YEATS2: variants seen among roughly 807,000 people sequenced by gnomAD.
YEATS2 encodes the protein YEATS domain containing 2.
YEATS2 carries 77 observed loss-of-function variants against 163.2 expected under a neutral mutation model. The ratio of observed to expected loss-of-function variants is 0.47; its 90% CI spans 0.39 to 0.57. The LOEUF is 0.57. YEATS2 is among the 20% of genes least tolerant of loss of function. The pLI is 0.00. For synonymous variants in YEATS2, 631 were observed against 645.1 expected (o/e 0.98, Z 0.33); for missense variants, 1,549 against 1,729.8 (o/e 0.90, Z 1.85).
chr3:183,760,924 G>A (rs1721284798), intron 13 of YEATS2, among the ~76,000 whole-genome samples: 1 of 152,146 alleles, frequency 6.6e-6, no homozygotes, highest in Non-Finnish European at 1.5e-5. Flanking sequence ...GACCAATAAA[G>A]TCAGCCAAAT....
At chr3:183,761,653 A>C in intron 14 of YEATS2, 39 bp downstream of exon 14, 1 of 1,588,046 alleles carries the variant, frequency 6.3e-7, no homozygotes, top group Non-Finnish European at 8.6e-7. Flanking sequence ...AAGTCATAAT[A>C]CTTTTTGTGG....
At chr3:183,698,992 G>A (rs723387) in intron 1 of YEATS2, among the ~76,000 whole-genome samples, 6,213 of 152,168 alleles carry the variant, frequency 0.041, 325 homozygotes, top group East Asian at 0.15. Context: ...TTTTTCCCGG[G>A]AAGCCTTTGA....
intron 19 of YEATS2, among the ~76,000 whole-genome samples, chr3:183,785,723 C>G (rs746525666): frequency 6.6e-6 from 1 of 152,050 alleles, no homozygotes; most frequent in South Asian, 2.1e-4. Flanking sequence ...AATGCTAAGC[C>G]TATATCTAAT....
intron 8 of YEATS2, among the ~76,000 whole-genome samples, chr3:183,737,852 T>G (rs189682726): frequency 6.6e-6 from 1 of 152,312 alleles, no homozygotes. Context: ...CTTATTGCTC[T>G]CAGTAGATAC....
In YEATS2 at chr3:183,798,929, C is replaced by T. The variant is rs575590450; in HGVS notation, c.3265C>T (p.Leu1089=). ...TTCTACCAGCAAGCCACCTGCCATTCTGCCTGTAGCTGCCCCAACTCCAGT... is the reference window on the plus strand; with the variant it reads ...TTCTACCAGCAAGCCACCTGCCATTTTGCCTGTAGCTGCCCCAACTCCAGT... ...SFSTSKPPAI[L]PVAAPTPVVP... Residue 1089 remains leucine (L), a synonymous_variant, in exon 23 of 31, where the codon CTG becomes TTG. Coordinates refer to ENST00000305135, the MANE Select transcript of YEATS2 (RefSeq NM_018023.5). 162 of 1,614,166 alleles carry T rather than the reference C, an allele frequency of 1.0e-4. 1 individual carries two copies. The Middle Eastern group carries it at 1.8e-3, about 18-fold the overall frequency.
At chr3:183,763,646 C>G (rs262989) in intron 15 of YEATS2, among the ~76,000 whole-genome samples, 1 of 151,964 alleles carries the variant, frequency 6.6e-6, no homozygotes, top group Non-Finnish European at 1.5e-5. Context: ...TAAAGTCAGG[C>G]CTGCTAACTC....
At chr3:183,721,803 A>G in intron 4 of YEATS2, 88 bp from the exon 5 acceptor site, 1 of 1,506,904 alleles carries the variant, frequency 6.6e-7, no homozygotes, top group Non-Finnish European at 9.0e-7. Context: ...ATGATCCTGT[A>G]ATAGATAAGG....
At chr3:183,793,316 G>C (rs1360033999) in intron 21 of YEATS2, 1 of 1,099,866 alleles carries the variant, frequency 9.1e-7, no homozygotes. Context: ...TGTTTGGATA[G>C]AGAACAAAAA....
chr3:183,761,892 C>T (rs1721392227), intron 14 of YEATS2, among the ~76,000 whole-genome samples: 1 of 152,204 alleles, frequency 6.6e-6, no homozygotes, highest in South Asian at 2.1e-4. Context: ...GGATCAAGTT[C>T]AGATCCTACT....
At chr3:183,761,964 G>A (rs1045680650) in intron 14 of YEATS2, 133 bp from the exon 15 acceptor site, 1 of 1,207,194 alleles carries the variant, frequency 8.3e-7, no homozygotes, top group Admixed American at 1.9e-5. Context: ...TACCCTTCTG[G>A]TGGAGTCATT....
chr3:183,743,620 A>G (rs1464257140), intron 8 of YEATS2, among the ~76,000 whole-genome samples: 1 of 152,094 alleles, frequency 6.6e-6, no homozygotes, highest in Non-Finnish European at 1.5e-5. Flanking sequence ...TGCTGGCATT[A>G]GAGGCGTGAA....
At chr3:183,795,456 T>A (rs1470394940) in intron 21 of YEATS2, among the ~76,000 whole-genome samples, 1 of 44,894 alleles carries the variant, frequency 2.2e-5, no homozygotes, top group Non-Finnish European at 3.9e-5. Context: ...ACGGGACTAA[T>A]TTTTTTTTTT....
intron 21 of YEATS2, among the ~76,000 whole-genome samples, chr3:183,792,667 G>C (rs772180570): frequency 6.6e-6 from 1 of 151,970 alleles, no homozygotes; most frequent in African/African-American, 2.4e-5. Flanking sequence ...ACAGGCACCC[G>C]CCCTCATGCC....
chr3:183,715,996 G>C (rs980827950), intron 2 of YEATS2, among the ~76,000 whole-genome samples: 1 of 151,970 alleles, frequency 6.6e-6, no homozygotes. Flanking sequence ...GTCTTGCTCT[G>C]TCCCCCAGGC....
At chr3:183,767,455 A>C (rs534584205) in intron 15 of YEATS2, among the ~76,000 whole-genome samples, 2 of 151,450 alleles carry the variant, frequency 1.3e-5, no homozygotes, top group East Asian at 3.9e-4. Flanking sequence ...ATCTCGGCTC[A>C]CTACAACCTC....
In YEATS2 at chr3:183,790,862, G is replaced by T. The variant is rs3211095; in HGVS notation, c.2979G>T (p.Gln993His). ...VSSVTKTSGQ[Q>H]QVCVSQATVG... Reference sequence around the variant, plus strand: ...CTGTAACGAAAACTTCTGGGCAGCAGCAAGTGTGTGTGAGCCAGGCCACCG... The same window carrying T: ...CTGTAACGAAAACTTCTGGGCAGCATCAAGTGTGTGTGAGCCAGGCCACCG... The change falls in exon 21 of 31, where the codon CAG (glutamine) becomes CAT (histidine). Residue 993 changes from glutamine to histidine, a missense_variant. Physicochemically the swap from Gln to His is conservative, Grantham distance 24 (BLOSUM62 0). Coordinates refer to ENST00000305135, the MANE Select transcript of YEATS2 (RefSeq NM_018023.5). 482 of 1,614,174 alleles carry T rather than the reference G, an allele frequency of 3.0e-4. 1 individual carries two copies. The African/African-American group carries it at 5.9e-3, about 20-fold the overall frequency.
Position 183,729,878 on chromosome 3 carries a change from C to T in YEATS2, c.812+1027C>T, listed in dbSNP as rs143232420. ...AATTTTTTTGTATTTTTAGTAGAGA[C>T]GGGCTTTCACCATGTTGGCCAGGCT... On this transcript the variant is annotated intron_variant, in intron 7 of 30. Transcript: ENST00000305135. Among the ~76,000 whole-genome samples the T allele has an allele frequency of 2.9e-3, 440 of 151,430 alleles. 2 individuals carry two copies. Among genetic ancestry groups the T allele is most frequent in the African/African-American group, 0.01 (417 of 41,292 alleles).
chr3:183,774,272 C>T (rs988448034), intron 17 of YEATS2, among the ~76,000 whole-genome samples: 4 of 152,158 alleles, frequency 2.6e-5, no homozygotes, highest in African/African-American at 7.2e-5. Flanking sequence ...GCCTGAGCTC[C>T]GCCTCCTGTC....
chr3:183,749,005 T>C (rs747396318), intron 9 of YEATS2, among the ~76,000 whole-genome samples: 1 of 151,868 alleles, frequency 6.6e-6, no homozygotes, highest in African/African-American at 2.4e-5. Flanking sequence ...TGCGGTGGCG[T>C]GATCTCCACT....
Sources: allele counts gnomAD v4.1 joint callset (sites outside exome capture counted in the v4.1 genomes callset), GRCh38; gene constraint gnomAD v4.1.1; transcripts MANE v1.5; gene names NCBI Gene and HGNC (gene_info 2026-07-23, HGNC 2026-07-21).